PRAG1: variants seen among roughly 807,000 people sequenced by gnomAD.
The protein encoded by PRAG1 is inactive tyrosine-protein kinase PRAG1.
Under a neutral mutation model 95.6 loss-of-function variants are expected in PRAG1, and 110 were observed. That is an observed-to-expected ratio of 1.15 (90% CI 0.99 to 1.35). The LOEUF is 1.35. Among genes scored for constraint, PRAG1 ranks in the 40% most tolerant of loss-of-function variants. The pLI, the probability that PRAG1 is intolerant of heterozygous loss-of-function variation, is 0.00. For synonymous variants in PRAG1, 1,052 were observed against 819.4 expected, an observed-to-expected ratio of 1.28 and a Z score of -4.85; for missense variants, 2,554 against 1,864.7, an observed-to-expected ratio of 1.37 and a Z score of -6.81.
At chr8:8,367,442 G>T (rs566851797) in intron 3 of PRAG1, among the ~76,000 whole-genome samples, 1 of 93,950 alleles carries the variant, frequency 1.1e-5, no homozygotes, top group Non-Finnish European at 1.9e-5. Context: ...TAGGTGAAAG[G>T]AGCAAGACTC....
intron 3 of PRAG1, among the ~76,000 whole-genome samples, chr8:8,364,090 T>C (rs1799930870): frequency 6.6e-6 from 1 of 152,222 alleles, no homozygotes; most frequent in Non-Finnish European, 1.5e-5. Context: ...TGTGTGAATA[T>C]ATACTCAGGA....
chr8:8,374,846 G>A lies in PRAG1; in HGVS notation c.2162+1401C>T, dbSNP rs893732236. On this transcript the variant is annotated intron_variant, in intron 3 of 5. Transcript: ENST00000615670. ...GACGCCGTGATGTTCAAAGTCAAGC[G>A]TCCTGACTGCTTCTCTCTGTGGTCA... is the stretch of plus-strand genomic sequence containing the variant. The A allele has an allele frequency of 6.1e-5, 13 of 214,628 alleles. No individual in the cohort carries two copies. The South Asian group carries it at 1.7e-3, about 28-fold the overall frequency. 13.3% of individuals were successfully genotyped at this position (214,628 alleles called of 1,614,324 possible).
intron 4 of PRAG1, among the ~76,000 whole-genome samples, chr8:8,331,403 C>T (rs980121763): frequency 6.6e-6 from 1 of 152,162 alleles, no homozygotes; most frequent in Non-Finnish European, 1.5e-5. Context: ...TGAGTTTCCT[C>T]CTTTAGAAAA....
At chr8:8,340,785 C>G (rs1002142230) in intron 3 of PRAG1, among the ~76,000 whole-genome samples, 3 of 152,118 alleles carry the variant, frequency 2.0e-5, no homozygotes, top group Admixed American at 1.3e-4. Context: ...AAAACACGTC[C>G]CTCTCCCCAC....
At position 8,370,324 on chromosome 8, in the gene PRAG1, A is replaced by G. The variant is rs1227165410; in HGVS notation, c.2162+5923T>C. ...GAATATAAACATGCATTGTTGGTAC[A>G]TATGCTTTGTTCTGTTTGCCAAACT... On this transcript the variant is annotated intron_variant, in intron 3 of 5. Coordinates refer to ENST00000615670, the MANE Select transcript of PRAG1 (RefSeq NM_001080826.3). Among the ~76,000 whole-genome samples the G allele has an allele frequency of 2.0e-5, 3 of 152,222 alleles. No individual in the cohort carries two copies. In the East Asian group the frequency reaches 5.8e-4, roughly 29 times the overall value.
chr8:8,375,843 A>G (rs1367708650), intron 3 of PRAG1, among the ~76,000 whole-genome samples: 1 of 152,136 alleles, frequency 6.6e-6, no homozygotes, highest in African/African-American at 2.4e-5. Context: ...ATCTTGTAGC[A>G]TAACCTCCTT....
chr8:8,333,838 G>C (rs904369628), intron 4 of PRAG1, among the ~76,000 whole-genome samples: 10 of 152,202 alleles, frequency 6.6e-5, no homozygotes, highest in African/African-American at 2.2e-4. Context: ...TAAAGCAAGT[G>C]GAATATGGAT....
intron 4 of PRAG1, among the ~76,000 whole-genome samples, chr8:8,334,629 A>G (rs1724008639): frequency 6.6e-6 from 1 of 150,382 alleles, no homozygotes. Context: ...CATGCGAAAG[A>G]AGAGAAAGCT....
At chr8:8,366,120 T>C (rs192110800) in intron 3 of PRAG1, among the ~76,000 whole-genome samples, 1 of 152,254 alleles carries the variant, frequency 6.6e-6, no homozygotes, top group Non-Finnish European at 1.5e-5. Context: ...TAATAGTAAC[T>C]GTTATTTACT....
chr8:8,384,037 G>A (rs1027398018), intron 1 of PRAG1, among the ~76,000 whole-genome samples: 1 of 152,166 alleles, frequency 6.6e-6, no homozygotes, highest in Non-Finnish European at 1.5e-5. Flanking sequence ...TCCCATGCCT[G>A]CTCCGCGGGA....
intron 3 of PRAG1, among the ~76,000 whole-genome samples, chr8:8,367,458 CAAAAAAAAAAAAAAAAAAAA>C (rs1158165514): frequency 6.1e-4 from 16 of 26,250 alleles, no homozygotes; most frequent in South Asian, 2.4e-3. Flanking sequence ...GACTCCATCT[CAAAAAAAAAAAAAAAAAAAA>C]AAAAAAAAAA....
At chr8:8,378,135 G>C in intron 2 of PRAG1, 57 bp from the exon 3 acceptor site, 2 of 1,498,368 alleles carry the variant, frequency 1.3e-6, no homozygotes, top group East Asian at 2.3e-5. Flanking sequence ...AGAAAAAAGA[G>C]AGAGAGGAAA....
intron 3 of PRAG1, among the ~76,000 whole-genome samples, chr8:8,343,310 A>G (rs1799230521): frequency 6.6e-6 from 1 of 151,350 alleles, no homozygotes; most frequent in African/African-American, 2.5e-5. Context: ...ACACAGGACA[A>G]CAATGTGATG....
chr8:8,373,236 C>G (rs966580728), intron 3 of PRAG1, among the ~76,000 whole-genome samples: 1 of 152,074 alleles, frequency 6.6e-6, no homozygotes, highest in Non-Finnish European at 1.5e-5. Flanking sequence ...GGGTTCCTGG[C>G]ACTATCCCCA....
At chr8:8,321,649 T>C (rs1419536022) in intron 5 of PRAG1, among the ~76,000 whole-genome samples, 1 of 152,188 alleles carries the variant, frequency 6.6e-6, no homozygotes, top group Non-Finnish European at 1.5e-5. Flanking sequence ...AAGATGCTAT[T>C]ACAGAGGAGG....
intron 3 of PRAG1, among the ~76,000 whole-genome samples, chr8:8,341,411 G>A (rs1017984328): frequency 6.6e-6 from 1 of 152,168 alleles, no homozygotes; most frequent in African/African-American, 2.4e-5. Flanking sequence ...CAGATACAAA[G>A]AGGGAACTCC....
intron 5 of PRAG1, among the ~76,000 whole-genome samples, chr8:8,320,632 T>C: frequency 6.6e-6 from 1 of 152,186 alleles, no homozygotes; most frequent in East Asian, 1.9e-4. Flanking sequence ...ATGTGTAATG[T>C]AGAAAGACAA....
intron 3 of PRAG1, among the ~76,000 whole-genome samples, chr8:8,372,439 A>C (rs1000028544): frequency 6.6e-6 from 1 of 152,220 alleles, no homozygotes; most frequent in Non-Finnish European, 1.5e-5. Context: ...TCTGCCTTAT[A>C]TTGGGACAGG....
chr8:8,327,235 G>C (rs148659208), intron 5 of PRAG1, among the ~76,000 whole-genome samples: 41 of 152,222 alleles, frequency 2.7e-4, no homozygotes, highest in African/African-American at 8.9e-4. Context: ...CCATGTCCTG[G>C]GGCAGAGAGA....
Sources: allele counts gnomAD v4.1 joint callset (sites outside exome capture counted in the v4.1 genomes callset), GRCh38; gene constraint gnomAD v4.1.1; transcripts MANE v1.5; gene names NCBI Gene and HGNC (gene_info 2026-07-23, HGNC 2026-07-21).